Variants in ACSBG2 observed in about 807,000 individuals in gnomAD.
ACSBG2 encodes the protein acyl-CoA synthetase bubblegum family member 2.
In ACSBG2, 62 loss-of-function variants were observed where a neutral mutation model predicts 74.7. The observed-to-expected ratio is 0.83, with a 90% CI of 0.68 to 1.03. The LOEUF is 1.03. Ranked by LOEUF, ACSBG2 falls within the 50% of genes least tolerant of loss-of-function variation. The pLI, the probability that ACSBG2 is intolerant of heterozygous loss-of-function variation, is 0.00. For synonymous variants in ACSBG2, 309 were observed against 294.1 expected, an observed-to-expected ratio of 1.05 and a Z score of -0.52; for missense variants, 730 against 817.6, an observed-to-expected ratio of 0.89 and a Z score of 1.31.
intron 7 of ACSBG2, among the ~76,000 whole-genome samples, chr19:6,176,848 G>C (rs887969259): frequency 6.6e-6 from 1 of 152,044 alleles, no homozygotes; most frequent in African/African-American, 2.4e-5. Flanking sequence ...TATTTATTTA[G>C]CTAAATACAT....
intron 13 of ACSBG2, 150 bp downstream of exon 13, chr19:6,187,995 T>A: frequency 8.8e-7 from 1 of 1,138,998 alleles, no homozygotes; most frequent in Non-Finnish European, 1.2e-6. Flanking sequence ...AGCTAACTGG[T>A]CCCCAGCTCC....
intron 6 of ACSBG2, among the ~76,000 whole-genome samples, chr19:6,164,993 G>A (rs187645610): frequency 2.4e-3 from 371 of 152,318 alleles, no homozygotes; most frequent in Non-Finnish European, 4.5e-3. Context: ...TTCTTCACCT[G>A]CCAGAGTGAG....
chr19:6,179,297 T>A (rs868848058), intron 8 of ACSBG2, among the ~76,000 whole-genome samples: 118 of 136,102 alleles, frequency 8.7e-4, no homozygotes, highest in African/African-American at 3.2e-3. Context: ...TTCTAAATTT[T>A]TTTTTTTTTT....
chr19:6,138,648 GAAGAAGGA>G (rs2088690624), intron 1 of ACSBG2, among the ~76,000 whole-genome samples: 2 of 33,538 alleles, frequency 6.0e-5, no homozygotes, highest in East Asian at 1.2e-3. Context: ...GAAGGGAAGG[GAAGAAGGA>G]AGAAAGAAAA....
chr19:6,173,562 T>C (rs1461361239), intron 7 of ACSBG2, among the ~76,000 whole-genome samples: 2 of 152,150 alleles, frequency 1.3e-5, no homozygotes, highest in Non-Finnish European at 2.9e-5. Context: ...GGGCTCTGAG[T>C]TCCTCAGGAG....
chr19:6,163,215 T>C (rs369191621), intron 6 of ACSBG2, among the ~76,000 whole-genome samples: 33,756 of 81,964 alleles, frequency 0.41, 9,466 homozygotes, highest in Non-Finnish European at 0.51. Context: ...TTTGGGAGGC[T>C]GAGGCGGGCA....
At chr19:6,186,147 T>C (rs1190551758) in intron 11 of ACSBG2, among the ~76,000 whole-genome samples, 2 of 151,876 alleles carry the variant, frequency 1.3e-5, no homozygotes, top group Non-Finnish European at 2.9e-5. Context: ...TTTAAGAGGA[T>C]AATAATCGAC....
chr19:6,140,111 G>A (rs975429606), intron 1 of ACSBG2, among the ~76,000 whole-genome samples: 2 of 151,876 alleles, frequency 1.3e-5, no homozygotes, highest in Admixed American at 1.3e-4. Flanking sequence ...TGTGGTCCCA[G>A]CTACTCAGGA....
intron 3 of ACSBG2, 131 bp downstream of exon 3, chr19:6,147,806 G>T: frequency 1.1e-6 from 1 of 925,292 alleles, no homozygotes; most frequent in South Asian, 1.6e-5. Flanking sequence ...ATTTCCCTCT[G>T]ATTCATGAGC....
At position 6,161,356 on chromosome 19, in the gene ACSBG2, C is replaced by T. The variant is rs1339420084; in HGVS notation, c.588+61C>T. The T allele has an allele frequency of 3.3e-6, 5 of 1,528,770 alleles. No homozygotes were observed. The African/African-American group carries it at 4.1e-5, about 13-fold the overall frequency. 94.7% of individuals were successfully genotyped at this position (1,528,770 alleles called of 1,614,324 possible). A position where few individuals can be genotyped will look rare whatever the true frequency, so the allele number is the denominator to read the frequency against. Reference sequence around the variant, plus strand: ...GGCGGGGCCTTGCAAGAAAAGTGGGCGTGGCCTAAGTGGAAGGTGAGCAGA... The same window carrying T: ...GGCGGGGCCTTGCAAGAAAAGTGGGTGTGGCCTAAGTGGAAGGTGAGCAGA... On this transcript the variant is annotated intron_variant, in intron 6 of 14. Transcript: ENST00000588485.
intron 6 of ACSBG2, among the ~76,000 whole-genome samples, chr19:6,163,862 G>C (rs959733201): frequency 6.6e-6 from 1 of 150,920 alleles, no homozygotes; most frequent in Admixed American, 6.6e-5. Context: ...AGGATCACTT[G>C]AACCTGGGAG....
At chr19:6,158,295 G>A (rs2089491118) in intron 5 of ACSBG2, among the ~76,000 whole-genome samples, 1 of 152,052 alleles carries the variant, frequency 6.6e-6, no homozygotes, top group African/African-American at 2.4e-5. Flanking sequence ...CTGACCTCGT[G>A]ATCTGCCCGC....
rs1414028383 is a variant in ACSBG2 at position 6,187,696 on chromosome 19, CTG to C, written c.1779_1780del (p.Glu594AspfsTer32). On this transcript the variant is annotated frameshift_variant, in exon 13 of 15. Transcript: ENST00000588485. LOFTEE classifies it high-confidence loss of function. ...CTGGGCAGCCAGGCATCCACCGTGACTGAGATTGTGAAGCAGCAAGACCCCCT... is the reference window on the plus strand; with the variant it reads ...CTGGGCAGCCAGGCATCCACCGTGACAGATTGTGAAGCAGCAAGACCCCCT... 1 of 1,614,046 alleles carries C rather than the reference CTG, an allele frequency of 6.2e-7. No individual in the cohort carries two copies. Among genetic ancestry groups the C allele is most frequent in the Admixed American group, 1.7e-5 (1 of 60,000 alleles).
chr19:6,173,020 C>A (rs1453206048), intron 7 of ACSBG2, among the ~76,000 whole-genome samples: 2 of 152,118 alleles, frequency 1.3e-5, no homozygotes, highest in African/African-American at 4.8e-5. Context: ...GGTGGGAGGG[C>A]AGGTGGGAAA....
At chr19:6,136,477 C>T (rs192873773) in intron 1 of ACSBG2, among the ~76,000 whole-genome samples, 89 of 152,222 alleles carry the variant, frequency 5.8e-4, no homozygotes, top group Middle Eastern at 6.8e-3. Context: ...ATCCACCCGC[C>T]TCGACCTCTC....
intron 2 of ACSBG2, 136 bp downstream of exon 2, chr19:6,141,746 T>G (rs1373558407): frequency 4.8e-6 from 3 of 624,978 alleles, no homozygotes; most frequent in Non-Finnish European, 8.6e-6. Context: ...CCCACCCTTT[T>G]GTTTTGAGAC....
intron 4 of ACSBG2, 151 bp from the exon 5 acceptor site, chr19:6,156,280 A>G: frequency 5.4e-6 from 4 of 736,570 alleles, no homozygotes; most frequent in Non-Finnish European, 8.4e-6. Context: ...TGTTGTCTTC[A>G]TCATTGTTAA....
intron 6 of ACSBG2, among the ~76,000 whole-genome samples, chr19:6,164,528 T>C (rs1470006211): frequency 6.7e-6 from 1 of 149,800 alleles, no homozygotes; most frequent in Non-Finnish European, 1.5e-5. Context: ...CACCTCCCCA[T>C]TTCAAGCGAT....
intron 4 of ACSBG2, among the ~76,000 whole-genome samples, chr19:6,153,848 GA>G: frequency 1.6e-5 from 1 of 62,462 alleles, no homozygotes; most frequent in Admixed American, 2.4e-4. Flanking sequence ...ACCCTGTCTG[GA>G]AAATAAAAGT....
Sources: allele counts gnomAD v4.1 joint callset (sites outside exome capture counted in the v4.1 genomes callset), GRCh38; gene constraint gnomAD v4.1.1; transcripts MANE v1.5; gene names NCBI Gene and HGNC (gene_info 2026-07-23, HGNC 2026-07-21).